The following ZNF229 variants were observed in gnomAD, a reference collection of about 807,000 sequenced individuals.
ZNF229 encodes the protein zinc finger protein 229.
In ZNF229, 10 loss-of-function variants were observed where a neutral mutation model predicts 11.8. The observed-to-expected ratio is 0.85, with a 90% confidence interval of 0.52 to 1.44. The LOEUF (loss-of-function observed/expected upper bound fraction) is 1.44, where lower values mean the gene tolerates loss of function less well. Ranked by LOEUF, ZNF229 falls within the 40% of genes most tolerant of loss-of-function variation. The pLI is 0.00. For missense variants in ZNF229, 1,045 were observed against 1,015.1 expected (o/e 1.03, Z -0.40); for synonymous variants, 368 against 374.8 (o/e 0.98, Z 0.21).
chr19:44,431,129 G>A (rs116422758), intron 5 of ZNF229, among the ~76,000 whole-genome samples: 63 of 152,220 alleles, frequency 4.1e-4, no homozygotes, highest in African/African-American at 1.5e-3. Flanking sequence ...CCATACTTCA[G>A]GAGGGTGCCA....
intron 2 of ZNF229, among the ~76,000 whole-genome samples, chr19:44,447,207 C>G (rs1272733493): frequency 3.9e-5 from 6 of 152,152 alleles, no homozygotes; most frequent in Non-Finnish European, 8.8e-5. Flanking sequence ...TAAATAATAC[C>G]TGGCATATAG....
Position 44,428,444 on chromosome 19 carries a change from G to T in ZNF229, c.2337C>A (p.Arg779=), listed in dbSNP as rs1361711620. Residue 779 remains arginine, a synonymous_variant, in exon 6 of 6, where the codon CGC becomes CGA. Transcript: ENST00000614049. ...KCEECGKGFG[R]NSCLHVHQRV... ...TCTGATGAACATGAAGACAGGAGTT[G>T]CGGCCAAAGCCCTTCCCACACTCCT... 1 of 1,613,856 alleles carries T rather than the reference G, an allele frequency of 6.2e-7. No homozygotes were observed. Among genetic ancestry groups the T allele is most frequent in the South Asian group, 1.1e-5 (1 of 91,062 alleles).
rs1319100425 is a variant in ZNF229, at chr19:44,427,308, AAT to A, written c.*993_*994del. ...TTAATACTGCTAACCTGCAGGGTGAAATAGCATTTGTGATTTTTAAGATACCT... is the reference window on the plus strand; with the variant it reads ...TTAATACTGCTAACCTGCAGGGTGAAAGCATTTGTGATTTTTAAGATACCT... On this transcript the variant is annotated 3_prime_UTR_variant, in exon 6 of 6. Transcript: ENST00000614049. 1.4e-5 allele frequency: 2 copies of A among 148,134 alleles called. No homozygotes were observed. Among genetic ancestry groups the A allele is most frequent in the East Asian group, 4.0e-4 (2 of 4,982 alleles). 9.2% of individuals were successfully genotyped at this position (148,134 alleles called of 1,614,324 possible). A position where few individuals can be genotyped will look rare whatever the true frequency, so the allele number is the denominator to read the frequency against.
At chr19:44,433,635 C>A (rs1384885760) in intron 4 of ZNF229, among the ~76,000 whole-genome samples, 1 of 152,078 alleles carries the variant, frequency 6.6e-6, no homozygotes, top group Non-Finnish European at 1.5e-5. Context: ...TGACTGTAAG[C>A]TTTCTGAGGC....
Position 44,442,799 on chromosome 19 carries a change from T to G in ZNF229, c.34+15A>C. ...TTGGATTCTCCCCCCACCCACCCCC[T>G]CTATTAGCTGTCACCTCTTTTCTCA... On this transcript the variant is annotated intron_variant, in intron 3 of 5. Coordinates refer to ENST00000614049, the MANE Select transcript of ZNF229 (RefSeq NM_014518.4). The G allele has an allele frequency of 1.9e-6, 2 of 1,051,802 alleles. No individual in the cohort carries two copies. Among genetic ancestry groups the G allele is most frequent in the Non-Finnish European group, 2.6e-6 (2 of 763,778 alleles). 65.2% of individuals were successfully genotyped at this position (1,051,802 alleles called of 1,614,324 possible).
intron 2 of ZNF229, among the ~76,000 whole-genome samples, chr19:44,444,267 G>C (rs973916234): frequency 2.0e-5 from 3 of 152,106 alleles, no homozygotes; most frequent in Non-Finnish European, 2.9e-5. Context: ...CAAGTCTCAA[G>C]GTCAAGTTCA....
At chr19:44,440,050 C>T (rs570132201) in intron 4 of ZNF229, among the ~76,000 whole-genome samples, 4 of 152,100 alleles carry the variant, frequency 2.6e-5, no homozygotes, top group Non-Finnish European at 5.9e-5. Flanking sequence ...TTGTAAACTG[C>T]ACAGACCATC....
Position 44,428,935 on chromosome 19 carries a change from G to T in ZNF229, c.1846C>A (p.Leu616Ile). The T allele has an allele frequency of 6.2e-7, 1 of 1,613,780 alleles. No individual in the cohort carries two copies. Among genetic ancestry groups the T allele is most frequent in the South Asian group, 1.1e-5 (1 of 91,066 alleles). ...GKGFIYSSDL[L>I]IHQRVHTGEK... ...CCAGTGTGGACCCTCTGATGGATAA[G>T]GAGGTCGGAGCTGTAGATGAAACCC... Residue 616 changes from leucine to isoleucine, a missense_variant, in exon 6 of 6, where the codon CTT becomes ATT. Transcript: ENST00000614049.
chr19:44,428,333 T>C lies in ZNF229; in HGVS notation c.2448A>G (p.Arg816=). 6.2e-7 allele frequency: 1 copy of C among 1,613,306 alleles called. No individual in the cohort carries two copies. The highest frequency in any genetic ancestry group is 8.5e-7 in the Non-Finnish European group (1 of 1,179,396). ...TATAAGGGTTCTCGCCTAAATGCAC[T>C]CTTTGGTGGTTCCGCAGACCTGAGG... ...SYTSGLRNHQ[R]VHLGENPYK The change falls in exon 6 of 6, where the codon AGA becomes AGG. Residue 816 remains arginine (R), a synonymous_variant. Transcript: ENST00000614049.
chr19:44,439,601 G>A (rs1472507245), intron 4 of ZNF229, among the ~76,000 whole-genome samples: 1 of 152,068 alleles, frequency 6.6e-6, no homozygotes, highest in Non-Finnish European at 1.5e-5. Context: ...GCGCCACCAT[G>A]CCCGGCTAAT....
At chr19:44,439,140 C>A (rs974656276) in intron 4 of ZNF229, among the ~76,000 whole-genome samples, 2 of 152,120 alleles carry the variant, frequency 1.3e-5, no homozygotes, top group Non-Finnish European at 2.9e-5. Context: ...AAAACTGCCA[C>A]AAAACTGATT....
chr19:44,438,343 C>T (rs1282596243), intron 4 of ZNF229, among the ~76,000 whole-genome samples: 4 of 152,170 alleles, frequency 2.6e-5, no homozygotes, highest in African/African-American at 9.7e-5. Context: ...GGCATCTTTG[C>T]CACATATCCT....
intron 4 of ZNF229, among the ~76,000 whole-genome samples, chr19:44,435,144 A>G (rs1971791042): frequency 6.6e-6 from 1 of 152,224 alleles, no homozygotes; most frequent in African/African-American, 2.4e-5. Flanking sequence ...TAGTAGCATG[A>G]GAACAGACTA....
Position 44,429,471 on chromosome 19 carries a change from T to C in ZNF229, c.1310A>G (p.Glu437Gly). Reference sequence around the variant, plus strand: ...CTTGGCACAGAAGCCTTTGCCACACTCGCTGCAGGTGTAGGGCTTCTCCCC... The same window carrying C: ...CTTGGCACAGAAGCCTTTGCCACACCCGCTGCAGGTGTAGGGCTTCTCCCC... Reference protein sequence around the residue: ...HTGEKPYTCSECGKGFCAKSA... With the variant: ...HTGEKPYTCSGCGKGFCAKSA... Residue 437 changes from glutamate (E) to glycine (G), a missense_variant, in exon 6 of 6, where the codon GAG (glutamate) becomes GGG (glycine). Coordinates refer to ENST00000614049, the MANE Select transcript of ZNF229 (RefSeq NM_014518.4). 1 of 1,613,616 alleles carries C rather than the reference T, an allele frequency of 6.2e-7. No individual in the cohort carries two copies. Among genetic ancestry groups the C allele is most frequent in the Non-Finnish European group, 8.5e-7 (1 of 1,179,918 alleles).
chr19:44,440,518 C>T (rs754602267), intron 4 of ZNF229, among the ~76,000 whole-genome samples: 13 of 152,174 alleles, frequency 8.5e-5, no homozygotes, highest in East Asian at 1.9e-4. Flanking sequence ...AAATGCCACA[C>T]ACCCAAGCAT....
chr19:44,442,789 A>ACCCC, intron 3 of ZNF229, 25 bp downstream of exon 3: 1 of 883,290 alleles, frequency 1.1e-6, no homozygotes, highest in Non-Finnish European at 1.7e-6. Context: ...TTCTCCCCCC[A>ACCCC]CCCACCCCCT....
Position 44,430,036 on chromosome 19 carries a change from A to C in ZNF229, c.745T>G (p.Cys249Gly). Residue 249 changes from cysteine (C) to glycine (G), a missense_variant, in exon 6 of 6, where the codon TGC becomes GGC. Transcript: ENST00000614049. Reference sequence around the variant, plus strand: ...CGATGAAGTACAGAGTTTTTAATGCAGTCTTTTCTGCATTTATTGCAACCA... The same window carrying C: ...CGATGAAGTACAGAGTTTTTAATGCCGTCTTTTCTGCATTTATTGCAACCA... The part of the protein sequence containing the change: ...PCGCNKCRKD[C>G]IKNSVLHRIN... The C allele has an allele frequency of 6.2e-7, 1 of 1,614,168 alleles. No homozygotes were observed. Among genetic ancestry groups the C allele is most frequent in the South Asian group, 1.1e-5 (1 of 91,086 alleles).
Position 44,429,940 on chromosome 19 carries a change from G to C in ZNF229, c.841C>G (p.Pro281Ala). The C allele has an allele frequency of 6.2e-7, 1 of 1,614,032 alleles. No individual in the cohort carries two copies. Among genetic ancestry groups the C allele is most frequent in the Non-Finnish European group, 8.5e-7 (1 of 1,179,966 alleles). The change falls in exon 6 of 6, where the codon CCC becomes GCC. Residue 281 changes from proline to alanine, a missense_variant. Transcript: ENST00000614049. ...TTCAAAGGTACTCTTGGATGCGGGGGAAGGTCTGCATCGTCCCTGAAGCCA... is the reference window on the plus strand; with the variant it reads ...TTCAAAGGTACTCTTGGATGCGGGGCAAGGTCTGCATCGTCCCTGAAGCCA... ...RNGFRDDADL[P>A]PHPRVPLKEK...
At chr19:44,442,782 T>TAG in intron 3 of ZNF229, 32 bp downstream of exon 3, 1 of 1,545,194 alleles carries the variant, frequency 6.5e-7, no homozygotes, top group Non-Finnish European at 8.9e-7. Flanking sequence ...GTTTGGATTC[T>TAG]CCCCCCACCC....
Sources: allele counts gnomAD v4.1 joint callset (sites outside exome capture counted in the v4.1 genomes callset), GRCh38; gene constraint gnomAD v4.1.1; transcripts MANE v1.5; gene names NCBI Gene and HGNC (gene_info 2026-07-23, HGNC 2026-07-21).